The following PPARGC1A variants were observed in gnomAD, a reference collection of about 807,000 sequenced individuals.
PPARGC1A encodes the protein PPARG coactivator 1 alpha.
A neutral mutation model predicts 88.7 loss-of-function variants in PPARGC1A; 25 were observed. The observed-to-expected ratio is 0.28, with a 90% CI of 0.21 to 0.39. The LOEUF (loss-of-function observed/expected upper bound fraction) is 0.39, where lower values mean the gene tolerates loss of function less well. Among genes scored for constraint, PPARGC1A ranks in the 10% least tolerant of loss-of-function variants. PPARGC1A has a pLI of 1.00. For synonymous variants in PPARGC1A, 363 were observed against 355.6 expected, an observed-to-expected ratio of 1.02 and a Z score of -0.24; for missense variants, 880 against 968.7, an observed-to-expected ratio of 0.91 and a Z score of 1.22.
the PPARGC1A span, among the ~76,000 whole-genome samples, chr4:24,108,005 A>C: frequency 1.3e-5 from 2 of 152,210 alleles, no homozygotes; most frequent in African/African-American, 4.8e-5. Context: ...AGCAGGTGGG[A>C]TAAGACTGTC....
the PPARGC1A span, among the ~76,000 whole-genome samples, chr4:24,387,082 C>T: frequency 3.3e-5 from 5 of 152,174 alleles, no homozygotes; most frequent in South Asian, 2.1e-4. Context: ...TCAGAAACAA[C>T]GCCACACATC....
At chr4:24,009,039 T>C in the PPARGC1A span, among the ~76,000 whole-genome samples, 7 of 149,128 alleles carry the variant, frequency 4.7e-5, no homozygotes, top group East Asian at 9.9e-4. Context: ...GTTTACTTAA[T>C]ACAGGAAGAC....
intron 1 of PPARGC1A, among the ~76,000 whole-genome samples, chr4:23,895,713 A>G (rs755540312): frequency 8.5e-5 from 13 of 152,102 alleles, no homozygotes; most frequent in Non-Finnish European, 1.5e-4. Context: ...TACTGGGTAT[A>G]ATTTTTATAC....
chr4:24,177,856 G>A, the PPARGC1A span, among the ~76,000 whole-genome samples: 1 of 151,952 alleles, frequency 6.6e-6, no homozygotes, highest in African/African-American at 2.4e-5. Flanking sequence ...CATATGAGAA[G>A]TCTTAGGATA....
chr4:23,875,722 T>G (rs908071002), intron 2 of PPARGC1A: 5 of 152,242 alleles, frequency 3.3e-5, no homozygotes, highest in Non-Finnish European at 5.9e-5. Context: ...AGATCCATTT[T>G]AGAATAATAT....
At chr4:23,898,377 C>A (rs1718863153) in intron 1 of PPARGC1A, among the ~76,000 whole-genome samples, 1 of 152,168 alleles carries the variant, frequency 6.6e-6, no homozygotes, top group Non-Finnish European at 1.5e-5. Flanking sequence ...TAAGACCAAC[C>A]AGCTTGGAGG....
chr4:24,163,845 C>T, the PPARGC1A span, among the ~76,000 whole-genome samples: 23 of 152,198 alleles, frequency 1.5e-4, no homozygotes, highest in South Asian at 6.2e-4. Flanking sequence ...GTGTTTAAGA[C>T]GAACAGCCCA....
At chr4:23,948,158 A>G in the PPARGC1A span, among the ~76,000 whole-genome samples, 3 of 152,176 alleles carry the variant, frequency 2.0e-5, no homozygotes, top group African/African-American at 4.8e-5. Flanking sequence ...TCATCTATTC[A>G]ACAAATGTTT....
chr4:24,261,469 T>C, the PPARGC1A span, among the ~76,000 whole-genome samples: 1 of 152,172 alleles, frequency 6.6e-6, no homozygotes, highest in African/African-American at 2.4e-5. Context: ...CAGGACACTT[T>C]CTCTTTCTAT....
At chr4:23,802,864 ATTC>A (rs368720125) in intron 10 of PPARGC1A, among the ~76,000 whole-genome samples, 2 of 152,082 alleles carry the variant, frequency 1.3e-5, no homozygotes, top group African/African-American at 4.8e-5. Context: ...GCTCACATAG[ATTC>A]TTCTCTTCAC....
At chr4:24,424,125 A>T in the PPARGC1A span, among the ~76,000 whole-genome samples, 1 of 152,078 alleles carries the variant, frequency 6.6e-6, no homozygotes, top group Non-Finnish European at 1.5e-5. Context: ...TTTGTAGAGT[A>T]CGTGATTGTT....
the PPARGC1A span, among the ~76,000 whole-genome samples, chr4:24,086,114 C>T: frequency 6.6e-6 from 1 of 152,172 alleles, no homozygotes; most frequent in Non-Finnish European, 1.5e-5. Flanking sequence ...TGTTTATCCT[C>T]CTGATGTATG....
chr4:24,125,191 C>T, the PPARGC1A span, among the ~76,000 whole-genome samples: 1 of 152,126 alleles, frequency 6.6e-6, no homozygotes, highest in East Asian at 1.9e-4. Flanking sequence ...GTATTTTATA[C>T]ATCTTAAATT....
At chr4:24,140,531 C>T in the PPARGC1A span, among the ~76,000 whole-genome samples, 1 of 152,194 alleles carries the variant, frequency 6.6e-6, no homozygotes, top group East Asian at 1.9e-4. Context: ...TGATAATACA[C>T]TCTGCCCTCA....
chr4:24,247,784 T>C, the PPARGC1A span, among the ~76,000 whole-genome samples: 1 of 152,162 alleles, frequency 6.6e-6, no homozygotes, highest in Non-Finnish European at 1.5e-5. Flanking sequence ...TCACCTACCA[T>C]AGAGTTCTAC....
the PPARGC1A span, among the ~76,000 whole-genome samples, chr4:24,264,980 T>C: frequency 3.3e-5 from 5 of 152,214 alleles, no homozygotes; most frequent in African/African-American, 1.2e-4. Flanking sequence ...AATATGCTAA[T>C]GCACATCACA....
the PPARGC1A span, among the ~76,000 whole-genome samples, chr4:24,208,553 T>C: frequency 6.6e-6 from 1 of 151,694 alleles, no homozygotes; most frequent in East Asian, 1.9e-4. Context: ...TACTGACTCA[T>C]AACAAATAAT....
At chr4:24,387,832 G>GAAAGAAAGAAAGAAAGAAAGAA in the PPARGC1A span, among the ~76,000 whole-genome samples, 1 of 100,446 alleles carries the variant, frequency 1.0e-5, no homozygotes, top group Non-Finnish European at 2.4e-5. Context: ...AAGAGAGAAA[G>GAAAGAAAGAAAGAAAGAAAGAA]AGAGAAAGAG....
chr4:24,459,456 G>GA, the PPARGC1A span, among the ~76,000 whole-genome samples: 2,141 of 132,814 alleles, frequency 0.016, 19 homozygotes, highest in East Asian at 0.043. Context: ...TGTAAATAAT[G>GA]AAAAAAAAAA....
Sources: gnomAD v4.1 joint callset for allele counts (sites outside exome capture counted in the v4.1 genomes callset) on GRCh38, gnomAD v4.1.1 for gene constraint, MANE v1.5 for transcripts, NCBI Gene and HGNC (gene_info 2026-07-23, HGNC 2026-07-21) for gene names.